Variants in SGCZ observed in about 807,000 individuals in gnomAD.
SGCZ encodes sarcoglycan zeta, also known as zeta-sarcoglycan.
In SGCZ, 40 loss-of-function variants were observed where a neutral mutation model predicts 41.3. The ratio of observed to expected loss-of-function variants is 0.97; its 90% confidence interval spans 0.75 to 1.26. SGCZ has a LOEUF of 1.26. Ranked by LOEUF, SGCZ falls within the 50% of genes most tolerant of loss-of-function variation. SGCZ has a pLI of 0.00. For missense variants in SGCZ, 552 were observed against 369.8 expected (o/e 1.49, Z -4.04); for synonymous variants, 206 against 137.5 (o/e 1.50, Z -3.49).
intron 1 of SGCZ, among the ~76,000 whole-genome samples, chr8:14,575,665 G>T (rs149767421): frequency 3.3e-5 from 5 of 152,146 alleles, no homozygotes; most frequent in African/African-American, 1.2e-4. Flanking sequence ...CTGGCACTTT[G>T]GGAGGCTGAG....
At chr8:14,462,243 C>G (rs1026150273) in intron 2 of SGCZ, among the ~76,000 whole-genome samples, 1 of 151,456 alleles carries the variant, frequency 6.6e-6, no homozygotes, top group Non-Finnish European at 1.5e-5. Flanking sequence ...AAGCAACTAA[C>G]TATACTAAAT....
chr8:14,985,272 T>A (rs1801793471), intron 1 of SGCZ, among the ~76,000 whole-genome samples: 1 of 152,102 alleles, frequency 6.6e-6, no homozygotes, highest in African/African-American at 2.4e-5. Context: ...GAATAAAGCA[T>A]CCAAAATCAT....
At chr8:15,046,033 A>T (rs1377428616) in intron 1 of SGCZ, among the ~76,000 whole-genome samples, 1 of 152,118 alleles carries the variant, frequency 6.6e-6, no homozygotes, top group Admixed American at 6.6e-5. Context: ...TATAGATTTC[A>T]TTCTATTACA....
At chr8:14,840,141 A>G (rs1445794169) in intron 1 of SGCZ, among the ~76,000 whole-genome samples, 2 of 152,148 alleles carry the variant, frequency 1.3e-5, no homozygotes, top group Admixed American at 6.5e-5. Context: ...TATTGTTAAT[A>G]TGATTTGAAT....
intron 1 of SGCZ, among the ~76,000 whole-genome samples, chr8:14,582,356 T>C (rs1245732591): frequency 2.0e-5 from 3 of 151,932 alleles, no homozygotes; most frequent in Non-Finnish European, 4.4e-5. Flanking sequence ...TGTTGAAGGG[T>C]CTACTGCACA....
intron 2 of SGCZ, among the ~76,000 whole-genome samples, chr8:14,472,867 C>G (rs1485170947): frequency 6.6e-6 from 1 of 152,018 alleles, no homozygotes; most frequent in African/African-American, 2.4e-5. Flanking sequence ...ATTATCAATG[C>G]TAAGTTATCC....
intron 1 of SGCZ, among the ~76,000 whole-genome samples, chr8:14,751,976 T>G (rs752354303): frequency 1.3e-5 from 2 of 151,512 alleles, no homozygotes; most frequent in African/African-American, 4.9e-5. Flanking sequence ...CTTAGAGGAT[T>G]TGAGGACAGA....
intron 3 of SGCZ, among the ~76,000 whole-genome samples, chr8:14,258,694 T>C (rs1221995621): frequency 6.6e-6 from 1 of 152,222 alleles, no homozygotes; most frequent in Non-Finnish European, 1.5e-5. Flanking sequence ...TGTAATGGTC[T>C]TGTGATTAGT....
chr8:14,869,077 A>C (rs905314651), intron 1 of SGCZ, among the ~76,000 whole-genome samples: 16 of 152,166 alleles, frequency 1.1e-4, no homozygotes, highest in Admixed American at 5.9e-4. Flanking sequence ...ACTCCTCCCT[A>C]ACTCAATTTA....
intron 5 of SGCZ, among the ~76,000 whole-genome samples, chr8:14,140,289 T>C (rs554507349): frequency 1.3e-5 from 2 of 152,136 alleles, no homozygotes; most frequent in Non-Finnish European, 2.9e-5. Context: ...CCACCACTCA[T>C]ATTCAACATA....
At chr8:14,836,041 A>G (rs541540827) in intron 1 of SGCZ, among the ~76,000 whole-genome samples, 2 of 152,186 alleles carry the variant, frequency 1.3e-5, no homozygotes, top group African/African-American at 4.8e-5. Flanking sequence ...TGGTAAATCT[A>G]TTCTTCCCTT....
At chr8:14,633,936 G>A (rs1877016) in intron 1 of SGCZ, among the ~76,000 whole-genome samples, 30,094 of 151,620 alleles carry the variant, frequency 0.2, 3,678 homozygotes, top group Non-Finnish European at 0.28. Flanking sequence ...GTCAATTTTC[G>A]CAGTTCAGAA....
intron 5 of SGCZ, among the ~76,000 whole-genome samples, chr8:14,155,214 C>T (rs1380776745): frequency 6.6e-6 from 1 of 152,170 alleles, no homozygotes; most frequent in East Asian, 1.9e-4. Context: ...TTAATATCTT[C>T]CAAAATGTTT....
In SGCZ at chr8:14,251,127, C is replaced by T. The variant is rs571690553; in HGVS notation, c.337-13448G>A. ...CCTTTAATCCCAGCTACTCGGGAGG[C>T]CAAGGCAAGAGAATTGCTTGAACTC... On this transcript the variant is annotated intron_variant, in intron 3 of 7. Transcript: ENST00000382080. Among the ~76,000 whole-genome samples, 3 of 152,162 alleles carry T rather than the reference C, an allele frequency of 2.0e-5. 1 individual carries two copies. The South Asian group carries it at 6.2e-4, about 32-fold the overall frequency.
intron 5 of SGCZ, among the ~76,000 whole-genome samples, chr8:14,114,365 G>A (rs562481885): frequency 1.3e-5 from 2 of 151,992 alleles, no homozygotes; most frequent in African/African-American, 4.8e-5. Flanking sequence ...GTTATTATGA[G>A]CATAGCCAAA....
chr8:15,216,899 T>G (rs1359376611), intron 1 of SGCZ, among the ~76,000 whole-genome samples: 1 of 152,124 alleles, frequency 6.6e-6, no homozygotes, highest in Non-Finnish European at 1.5e-5. Context: ...GAGAGATTTT[T>G]GGGTATCGTT....
chr8:14,121,487 TG>T (rs1802694677), intron 5 of SGCZ, among the ~76,000 whole-genome samples: 1 of 152,166 alleles, frequency 6.6e-6, no homozygotes, highest in African/African-American at 2.4e-5. Flanking sequence ...AAAAAATATG[TG>T]ATATCTTACC....
chr8:14,314,171 G>C (rs190373284), intron 3 of SGCZ, among the ~76,000 whole-genome samples: 1 of 152,074 alleles, frequency 6.6e-6, no homozygotes, highest in Non-Finnish European at 1.5e-5. Flanking sequence ...TTTTTTGTTT[G>C]TTTATTTTTA....
intron 3 of SGCZ, among the ~76,000 whole-genome samples, chr8:14,247,061 T>G (rs4332133): frequency 0.33 from 49,688 of 152,092 alleles, 8,558 homozygotes; most frequent in Non-Finnish European, 0.39. Context: ...CTGACTTCCT[T>G]GAATTCTGCA....
Sources: gnomAD v4.1 joint callset for allele counts (sites outside exome capture counted in the v4.1 genomes callset) on GRCh38, gnomAD v4.1.1 for gene constraint, MANE v1.5 for transcripts, NCBI Gene and HGNC (gene_info 2026-07-23, HGNC 2026-07-21) for gene names.